Variants in TMT1B observed in about 807,000 individuals in gnomAD.
TMT1B encodes the protein thiol S-methyltransferase TMT1B.
the TMT1B span, chr12:55,683,787 G>A: frequency 1.9e-6 from 3 of 1,608,812 alleles, no homozygotes; most frequent in South Asian, 1.1e-5. Context: ...GGAGCCAAGT[G>A]ACACTAACTC....
the TMT1B span, chr12:55,682,024 G>A: frequency 2.7e-5 from 43 of 1,614,124 alleles, no homozygotes; most frequent in Non-Finnish European, 3.3e-5. Flanking sequence ...TCTACCCACC[G>A]GGCTGCAGGG....
At chr12:55,683,832 G>A in the TMT1B span, 1 of 1,613,950 alleles carries the variant, frequency 6.2e-7, no homozygotes, top group Non-Finnish European at 8.5e-7. Context: ...CTCTTTTTCT[G>A]GGAGCATGTG....
the TMT1B span, chr12:55,681,751 T>G: frequency 1.3e-6 from 2 of 1,544,964 alleles, no homozygotes; most frequent in East Asian, 2.4e-5. Context: ...AGAGCTGGTC[T>G]GCCATGGACA....
chr12:55,681,932 A>G, the TMT1B span: 16 of 1,614,028 alleles, frequency 9.9e-6, no homozygotes, highest in Non-Finnish European at 1.4e-5. Flanking sequence ...GGAGCTCTTC[A>G]GCCAGATAAA....
the TMT1B span, chr12:55,683,727 C>A: frequency 7.5e-7 from 1 of 1,339,844 alleles, no homozygotes; most frequent in Non-Finnish European, 1.1e-6. Context: ...TCCCATTTCA[C>A]CAAGAAGTTT....
chr12:55,683,534 ACTC>A, the TMT1B span, among the ~76,000 whole-genome samples: 2 of 151,460 alleles, frequency 1.3e-5, no homozygotes, highest in Non-Finnish European at 2.9e-5. Context: ...TGAGCCCTCC[ACTC>A]CTGTTTCTCA....
At chr12:55,681,833 T>G in the TMT1B span, 1 of 1,565,904 alleles carries the variant, frequency 6.4e-7, no homozygotes, top group Non-Finnish European at 8.7e-7. Context: ...TCTGCTGGGC[T>G]GCTGGCAGCC....
chr12:55,683,969 G>A, the TMT1B span: 20 of 1,613,968 alleles, frequency 1.2e-5, no homozygotes, highest in East Asian at 1.1e-4. Context: ...CCAGTTCTCC[G>A]AAATCCAAAT....
At chr12:55,683,663 G>A in the TMT1B span, 11 of 709,442 alleles carry the variant, frequency 1.6e-5, no homozygotes, top group Non-Finnish European at 2.7e-5. Flanking sequence ...AGCAGGGGAT[G>A]CAGAAAAGGT....
the TMT1B span, chr12:55,684,091 C>T: frequency 6.3e-7 from 1 of 1,583,204 alleles, no homozygotes; most frequent in Non-Finnish European, 8.6e-7. Flanking sequence ...CCTTCCCCAG[C>T]CTCCAATTAG....
the TMT1B span, chr12:55,682,244 C>T: frequency 3.7e-6 from 6 of 1,610,072 alleles, no homozygotes; most frequent in South Asian, 5.5e-5. Context: ...CCGGAGAGTA[C>T]TGAGACCGGT....
At chr12:55,681,792 T>G in the TMT1B span, 1 of 1,552,418 alleles carries the variant, frequency 6.4e-7, no homozygotes, top group Non-Finnish European at 8.7e-7. Context: ...CTGCTGGTGC[T>G]GCTTCTTACC....
the TMT1B span, among the ~76,000 whole-genome samples, chr12:55,683,093 A>T: frequency 6.6e-6 from 1 of 152,338 alleles, no homozygotes; most frequent in East Asian, 1.9e-4. Flanking sequence ...CCCCAGCTTC[A>T]GTCAAGAGTT....
chr12:55,682,023 C>T, the TMT1B span: 13 of 1,614,132 alleles, frequency 8.1e-6, no homozygotes, highest in South Asian at 2.2e-5. Flanking sequence ...TTCTACCCAC[C>T]GGGCTGCAGG....
chr12:55,683,726 A>C, the TMT1B span: 1 of 1,326,972 alleles, frequency 7.5e-7, no homozygotes, highest in Non-Finnish European at 1.1e-6. Context: ...CTCCCATTTC[A>C]CCAAGAAGTT....
the TMT1B span, chr12:55,683,935 G>C: frequency 6.2e-7 from 1 of 1,614,144 alleles, no homozygotes; most frequent in Non-Finnish European, 8.5e-7. Flanking sequence ...TCACCAGAGA[G>C]ACCTGGAAGG....
chr12:55,682,400 T>G, the TMT1B span: 2 of 771,412 alleles, frequency 2.6e-6, no homozygotes, highest in South Asian at 1.9e-5. Context: ...ATAGGAGACA[T>G]GACCAGTGCC....
the TMT1B span, chr12:55,684,037 G>C: frequency 1.2e-6 from 2 of 1,613,098 alleles, no homozygotes; most frequent in Non-Finnish European, 1.7e-6. Context: ...TCATGGGAAA[G>C]GCTGTCAAAT....
chr12:55,684,231 C>T, the TMT1B span: 1 of 602,530 alleles, frequency 1.7e-6, no homozygotes, highest in East Asian at 2.9e-5. Flanking sequence ...ACTTCAATCC[C>T]GCCTTCGACA....
Sources: gnomAD v4.1 joint callset for allele counts (sites outside exome capture counted in the v4.1 genomes callset) on GRCh38, gnomAD v4.1.1 for gene constraint, MANE v1.5 for transcripts, NCBI Gene and HGNC (gene_info 2026-07-23, HGNC 2026-07-21) for gene names.